The following ABCA2 variants were observed in gnomAD, a reference collection of about 807,000 sequenced individuals.
ABCA2 encodes the protein ATP-binding cassette sub-family A member 2.
ABCA2 carries 84 observed loss-of-function variants against 262.8 expected under a neutral mutation model. The observed-to-expected ratio is 0.32, with a 90% CI of 0.27 to 0.38. The LOEUF (loss-of-function observed/expected upper bound fraction) is 0.38. ABCA2 is among the 10% of genes least tolerant of loss of function. ABCA2 has a pLI of 1.00. For synonymous variants in ABCA2, 1,696 were observed against 1,502.9 expected, an observed-to-expected ratio of 1.13 and a Z score of -2.97; for missense variants, 2,662 against 3,405.9, an observed-to-expected ratio of 0.78 and a Z score of 5.44.
At position 137,014,004 on chromosome 9, in the gene ABCA2, C is replaced by A. The variant is rs370996044; in HGVS notation, c.4275G>T (p.Gln1425His). The A allele has an allele frequency of 1.9e-6, 3 of 1,611,752 alleles. No individual in the cohort carries two copies. In the African/African-American group the frequency reaches 4.0e-5, roughly 22 times the overall value. The stretch of plus-strand genomic sequence containing the variant: ...ACCCGCCGTCCAGCTTGCGGCTGCC[C>A]TGGCCGACCCTCGACAGGGCCTCTG... ...VEAEALSRVG[Q>H]GSRKLDGGWL... The change falls in exon 28 of 49, where the codon CAG (glutamine) becomes CAT (histidine). Residue 1425 changes from glutamine to histidine, a missense_variant. Gln to His is a conservative substitution (Grantham distance 24). This residue lies in a region of ABCA2 where 297 missense variants were observed against 286.5 expected (regional missense o/e 1.04). Transcript: ENST00000341511.
Position 137,014,370 on chromosome 9 carries a change from C to T in ABCA2, c.4038G>A (p.Gly1346=). 3 of 1,596,716 alleles carry T rather than the reference C, an allele frequency of 1.9e-6. No homozygotes were observed. The highest frequency in any genetic ancestry group is 2.6e-6 in the Non-Finnish European group (3 of 1,172,282). ...VKESRKDVLP[G]AEGPASGEGH... is the part of the protein sequence containing the mutation. The stretch of plus-strand genomic sequence containing the variant: ...CCTCCCCAGACGCCGGGCCCTCCGC[C>T]CCAGGGAGCACATCCTTCCTGGACT... Residue 1346 remains glycine (G), a synonymous_variant, in exon 27 of 49, where the codon GGG becomes GGA. Transcript: ENST00000341511.
At chr9:137,010,409 C>A in intron 40 of ABCA2, 38 bp from the exon 41 acceptor site, 1 of 1,544,010 alleles carries the variant, frequency 6.5e-7, no homozygotes, top group Non-Finnish European at 8.7e-7. Flanking sequence ...GGCATCCTGC[C>A]CCCACCCTGC....
At chr9:137,016,828 G>C in intron 19 of ABCA2, 90 bp from the exon 20 acceptor site, 1 of 1,558,850 alleles carries the variant, frequency 6.4e-7, no homozygotes, top group Admixed American at 1.7e-5. Context: ...GGAGCCACCC[G>C]TGCTGCATCC....
intron 45 of ABCA2, 44 bp downstream of exon 45, chr9:137,009,326 C>G (rs911219771): frequency 9.4e-7 from 1 of 1,068,940 alleles, no homozygotes; most frequent in Admixed American, 2.1e-5. Flanking sequence ...TGGCCGCCCC[C>G]CCCGGGCCCG....
Position 137,009,565 on chromosome 9 carries a change from C to T in ABCA2, c.6710G>A (p.Arg2237His), listed in dbSNP as rs1830959803. The T allele has an allele frequency of 1.2e-6, 2 of 1,612,874 alleles. No homozygotes were observed. Among genetic ancestry groups the T allele is most frequent in the Non-Finnish European group, 1.7e-6 (2 of 1,179,926 alleles). The change falls in exon 44 of 49, where the codon CGT (arginine) becomes CAT (histidine). Residue 2237 changes from arginine to histidine, a missense_variant. By Grantham distance (29) the Arg-to-His change is conservative. Transcript: ENST00000341511. The part of the protein sequence containing the change: ...NLILDLIKTG[R>H]SVVLTSHSME... ...CCTGTGTGATGTCAGCACCACTGAACGCCCTGTCTTGATGAGGTCAAGGAT... is the reference window on the plus strand; with the variant it reads ...CCTGTGTGATGTCAGCACCACTGAATGCCCTGTCTTGATGAGGTCAAGGAT...
At position 137,008,947 on chromosome 9, in the gene ABCA2, G is replaced by A. The variant is rs753112833; in HGVS notation, c.6930+4C>T. 6.4e-6 allele frequency: 10 copies of A among 1,552,576 alleles called. No individual in the cohort carries two copies. In the Admixed American group the frequency reaches 7.3e-5, roughly 11 times the overall value. On this transcript the variant is annotated splice_donor_region_variant and intron_variant, in intron 46 of 48. Coordinates refer to ENST00000341511, the MANE Select transcript of ABCA2 (RefSeq NM_001606.5). ...CCTCCACAACCCTGCCCGGGACGGC[G>A]CACCTTGAGCATGGCTTCCGGGAAG...
At chr9:137,010,531 C>T (rs1349680268) in intron 40 of ABCA2, 89 bp downstream of exon 40, 63 of 1,527,864 alleles carry the variant, frequency 4.1e-5, no homozygotes, top group Non-Finnish European at 5.7e-5. Context: ...GGGCCCTGCC[C>T]ACCCAGGCTC....
chr9:137,023,063 C>T lies in ABCA2; in HGVS notation c.164-11G>A. The T allele has an allele frequency of 6.4e-7, 1 of 1,568,932 alleles. No individual in the cohort carries two copies. The highest frequency in any genetic ancestry group is 8.6e-7 in the Non-Finnish European group (1 of 1,157,286). On this transcript the variant is annotated splice_polypyrimidine_tract_variant and intron_variant, in intron 3 of 48. Transcript: ENST00000341511. ...CCGCTGTGTAGAAGGCTGGCAGACC[C>T]ACGGGAGAGGGCAGGGTCGGGGGTG...
chr9:137,018,685 G>T, intron 13 of ABCA2, 34 bp downstream of exon 13: 1 of 1,553,168 alleles, frequency 6.4e-7, no homozygotes, highest in South Asian at 1.2e-5. Context: ...AGAGGTCTGT[G>T]GGGGGCTGGG....
In ABCA2 at chr9:137,018,266, T is replaced by A; in HGVS notation, c.1905A>T (p.Lys635Asn). ...AGTAGGCGCGGCGGATCTCGTTGGT[T>A]TTCTCGGTGAAGCTGGAGTTCTGGC... ...KIRQNSSFTEKTNEIRRAYWR... is the reference protein window; with the variant it reads ...KIRQNSSFTENTNEIRRAYWR... The change falls in exon 14 of 49, where the codon AAA (lysine) becomes AAT (asparagine). Residue 635 changes from lysine to asparagine, a missense_variant. By Grantham distance (94) the Lys-to-Asn change is moderately conservative. Around this residue, in one of 12 missense-constraint regions of ABCA2, gnomAD observed 187 missense variants for 205.9 expected, o/e 0.91. Transcript: ENST00000341511. The A allele has an allele frequency of 6.2e-7, 1 of 1,610,246 alleles. No individual in the cohort carries two copies.
chr9:137,015,058 A>C lies in ABCA2; in HGVS notation c.3737T>G (p.Leu1246Arg). The change falls in exon 25 of 49, where the codon CTG becomes CGG. Residue 1246 changes from leucine (L) to arginine (R), a missense_variant. By Grantham distance (102) the Leu-to-Arg change is moderately radical (BLOSUM62 -2). Coordinates refer to ENST00000341511, the MANE Select transcript of ABCA2 (RefSeq NM_001606.5). ...CACCTGGAGCTCGGAGCAGCTGCTC[A>C]GCGGGGCCCGACCTGGGGGGCTGGA... ...LASSPPGRAP[L>R]SSCSELQVSQ... The C allele has an allele frequency of 6.2e-7, 1 of 1,605,056 alleles. No homozygotes were observed. The highest frequency in any genetic ancestry group is 8.5e-7 in the Non-Finnish European group (1 of 1,176,204).
Position 137,014,366 on chromosome 9 carries a change from C to A in ABCA2, c.4042G>T (p.Glu1348Ter). 1 of 1,597,742 alleles carries A rather than the reference C, an allele frequency of 6.3e-7. No individual in the cohort carries two copies. Among genetic ancestry groups the A allele is most frequent in the Non-Finnish European group, 8.5e-7 (1 of 1,172,776 alleles). The part of the protein sequence containing the change: ...ESRKDVLPGA[E>*]GPASGEGHAG... ...TGACCCTCCCCAGACGCCGGGCCCTCCGCCCCAGGGAGCACATCCTTCCTG... is the reference window on the plus strand; with the variant it reads ...TGACCCTCCCCAGACGCCGGGCCCTACGCCCCAGGGAGCACATCCTTCCTG... The change falls in exon 27 of 49, where the codon GAG becomes TAG. Residue 1348 changes from glutamate to a stop codon, truncating the protein, a stop_gained. Coordinates refer to ENST00000341511, the MANE Select transcript of ABCA2 (RefSeq NM_001606.5). LOFTEE classifies it high-confidence loss of function.
At position 137,019,029 on chromosome 9, in the gene ABCA2, C is replaced by G. The variant is rs868622130; in HGVS notation, c.1596G>C (p.Leu532=). The change falls in exon 12 of 49, where the codon CTG becomes CTC. Residue 532 remains leucine, a synonymous_variant. Transcript: ENST00000341511. The surrounding 1 kb of genome is among the most constrained non-coding windows in gnomAD (Gnocchi z 4.4). ...GGGCCGGCGGCAGCTCATCCAGTGACAGGTTCAGTGCCTCGGGGTGCAGCC... is the reference window on the plus strand; with the variant it reads ...GGGCCGGCGGCAGCTCATCCAGTGAGAGGTTCAGTGCCTCGGGGTGCAGCC... ...ELRLHPEALN[L]SLDELPPALR... is the part of the protein sequence containing the mutation. The G allele has an allele frequency of 1.9e-6, 3 of 1,612,582 alleles. No individual in the cohort carries two copies. Among genetic ancestry groups the G allele is most frequent in the African/African-American group, 1.3e-5 (1 of 74,906 alleles).
Position 137,014,260 on chromosome 9 carries a change from C to A in ABCA2, c.4148G>T (p.Arg1383Leu), listed in dbSNP as rs772864842. 4 of 1,610,940 alleles carry A rather than the reference C, an allele frequency of 2.5e-6. No homozygotes were observed. ...LQSASSVGSA[R>L]GDEGAGYTDV... Reference sequence around the variant, plus strand: ...GGTGTAGCCAGCTCCCTCGTCGCCACGGGCAGAGCCCACAGATGACGCCGA... The same window carrying A: ...GGTGTAGCCAGCTCCCTCGTCGCCAAGGGCAGAGCCCACAGATGACGCCGA... Residue 1383 changes from arginine (R) to leucine (L), a missense_variant, in exon 27 of 49, where the codon CGT becomes CTT. Arg to Leu is a moderately radical substitution (Grantham distance 102). This residue lies in a region of ABCA2 where 297 missense variants were observed against 286.5 expected (regional missense o/e 1.04). Coordinates refer to ENST00000341511, the MANE Select transcript of ABCA2 (RefSeq NM_001606.5).
chr9:137,016,900 C>T lies in ABCA2; in HGVS notation c.2758+20G>A. The T allele has an allele frequency of 6.2e-7, 1 of 1,609,530 alleles. No individual in the cohort carries two copies. The highest frequency in any genetic ancestry group is 8.5e-7 in the Non-Finnish European group (1 of 1,177,926). On this transcript the variant is annotated intron_variant, in intron 19 of 48. Coordinates refer to ENST00000341511, the MANE Select transcript of ABCA2 (RefSeq NM_001606.5). ...TGGGGACCCCTGCCTCTCCCCTGCC[C>T]TCCAAGGGCTGGCCAGTACCTGGGT...
At chr9:137,010,874 C>A in intron 39 of ABCA2, 99 bp downstream of exon 39, 1 of 981,448 alleles carries the variant, frequency 1.0e-6, no homozygotes, top group South Asian at 1.6e-5. Context: ...TCACCCCCTC[C>A]TGCCCCATCC....
intron 19 of ABCA2, 34 bp downstream of exon 19, chr9:137,016,886 G>T (rs892558572): frequency 1.2e-5 from 19 of 1,603,182 alleles, no homozygotes; most frequent in Admixed American, 3.3e-5. Context: ...GGGGACCCCT[G>T]CCTCTCCCCT....
chr9:137,015,727 C>T lies in ABCA2; in HGVS notation c.3462G>A (p.Val1154=). The T allele has an allele frequency of 6.2e-7, 1 of 1,611,818 alleles. No individual in the cohort carries two copies. The highest frequency in any genetic ancestry group is 1.3e-5 in the African/African-American group (1 of 75,056). The change falls in exon 23 of 49, where the codon GTG becomes GTA. Residue 1154 remains valine (V), a synonymous_variant. Transcript: ENST00000341511. Reference sequence around the variant, plus strand: ...AGATGGCGCGGCGCGCGTAGGGGTCCACGCCCGCCGTGGGCTCGTCCAGGA... The same window carrying T: ...AGATGGCGCGGCGCGCGTAGGGGTCTACGCCCGCCGTGGGCTCGTCCAGGA... ...AIILDEPTAG[V]DPYARRAIWD...
At position 137,022,441 on chromosome 9, in the gene ABCA2, C is replaced by A. The variant is rs200669521; in HGVS notation, c.477G>T (p.Pro159=). The change falls in exon 6 of 49, where the codon CCG becomes CCT. Residue 159 remains proline, a synonymous_variant. Transcript: ENST00000341511. The part of the protein sequence containing the change: ...SFSLDSVARN[P]QELWRFLTQN... ...GCGTCAGGAAACGCCAGAGCTCCTG[C>A]GGGTTTCTGGCCACCGAGTCCAGAG... is the stretch of plus-strand genomic sequence containing the variant. 33 of 1,611,764 alleles carry A rather than the reference C, an allele frequency of 2.0e-5. No individual in the cohort carries two copies. The highest frequency in any genetic ancestry group is 2.8e-5 in the Non-Finnish European group (33 of 1,179,742).
Sources: allele counts gnomAD v4.1 joint callset, GRCh38; gene constraint gnomAD v4.1.1; regional missense constraint gnomAD v4.1.1; non-coding constraint Gnocchi (gnomAD v3.1); transcripts MANE v1.5; gene names NCBI Gene and HGNC (gene_info 2026-07-23, HGNC 2026-07-21).